SH2D4B: variants seen among roughly 807,000 people sequenced by gnomAD.
SH2D4B encodes SH2 domain containing 4B.
SH2D4B carries 45 observed loss-of-function variants against 61.5 expected under a neutral mutation model. The observed-to-expected ratio is 0.73, with a 90% CI of 0.58 to 0.94. The LOEUF (loss-of-function observed/expected upper bound fraction) is 0.94. SH2D4B is among the 40% of genes least tolerant of loss of function. The pLI, the probability that SH2D4B is intolerant of heterozygous loss-of-function variation, is 0.00. For missense variants in SH2D4B, 572 were observed against 574.2 expected (o/e 1.00, Z 0.04); for synonymous variants, 224 against 220.4 (o/e 1.02, Z -0.14).
intron 6 of SH2D4B, among the ~76,000 whole-genome samples, chr10:80,628,984 C>T (rs1182376793): frequency 8.7e-5 from 13 of 149,924 alleles, no homozygotes; most frequent in African/African-American, 1.2e-4. Context: ...GAGCCGAGAT[C>T]GTGTCACTGC....
chr10:80,557,266 A>G (rs1009475930), intron 1 of SH2D4B, among the ~76,000 whole-genome samples: 1 of 152,088 alleles, frequency 6.6e-6, no homozygotes. Context: ...TCCTTTTTAT[A>G]TATTTCTGAA....
In SH2D4B at chr10:80,603,858, C is replaced by T. The variant is rs1313814497; in HGVS notation, c.860+63C>T. On this transcript the variant is annotated intron_variant, in intron 5 of 7. Transcript: ENST00000646907. ...GGCCTTGGATTAGGGCATGGGACAC[C>T]GGGGTCCCCGTCCCGGGTCTGCCCC... The T allele has an allele frequency of 4.1e-5, 60 of 1,467,712 alleles. 1 individual carries two copies. Among genetic ancestry groups the T allele is most frequent in the South Asian group, 1.5e-4 (12 of 82,208 alleles). 90.9% of individuals were successfully genotyped at this position (1,467,712 alleles called of 1,614,324 possible). A position where few individuals can be genotyped will look rare whatever the true frequency, so the allele number is the denominator to read the frequency against.
chr10:80,628,055 G>A (rs1258644024), intron 6 of SH2D4B, among the ~76,000 whole-genome samples: 1 of 152,198 alleles, frequency 6.6e-6, no homozygotes, highest in East Asian at 1.9e-4. Context: ...GGGTGAGGTA[G>A]GGCCTTCCCC....
In SH2D4B at chr10:80,644,123, G is replaced by C. The variant is rs770518036; in HGVS notation, c.*38G>C. On this transcript the variant is annotated 3_prime_UTR_variant, in exon 8 of 8. Transcript: ENST00000646907. Reference sequence around the variant, plus strand: ...TCAATTGGATTCATTTTGGTATCCTGTTTTTGAACTCAGCTTAAGAACTTC... The same window carrying C: ...TCAATTGGATTCATTTTGGTATCCTCTTTTTGAACTCAGCTTAAGAACTTC... 13 of 1,530,008 alleles carry C rather than the reference G, an allele frequency of 8.5e-6. No individual in the cohort carries two copies. The Admixed American group carries it at 2.2e-4, about 26-fold the overall frequency. 94.8% of individuals were successfully genotyped at this position (1,530,008 alleles called of 1,614,324 possible). A position where few individuals can be genotyped will look rare whatever the true frequency, so the allele number is the denominator to read the frequency against.
chr10:80,563,271 C>A (rs970223434), intron 1 of SH2D4B, among the ~76,000 whole-genome samples: 8 of 152,266 alleles, frequency 5.3e-5, no homozygotes, highest in African/African-American at 1.9e-4. Context: ...CTATTCTAGT[C>A]TTTTGCCAAT....
In SH2D4B at chr10:80,616,283, G is replaced by A. The variant is rs572742761; in HGVS notation, c.988+6732G>A. Among the ~76,000 whole-genome samples the A allele has an allele frequency of 8.3e-4, 127 of 152,306 alleles. 2 individuals are homozygous for A. In the South Asian group the frequency reaches 0.026, roughly 31 times the overall value. The stretch of plus-strand genomic sequence containing the variant: ...CTTCTCTTGGGCAGAATTTGGAATG[G>A]AAATTTTCTACCAACTCTGACCTCA... On this transcript the variant is annotated intron_variant, in intron 6 of 7. Coordinates refer to ENST00000646907, the MANE Select transcript of SH2D4B (RefSeq NM_001388272.1).
intron 1 of SH2D4B, among the ~76,000 whole-genome samples, chr10:80,546,268 G>A (rs114671023): frequency 0.012 from 1,781 of 151,784 alleles, 30 homozygotes; most frequent in African/African-American, 0.039. Context: ...GACTGCTCTC[G>A]AACTTCTGGG....
intron 1 of SH2D4B, among the ~76,000 whole-genome samples, chr10:80,558,389 T>C (rs967269961): frequency 6.6e-6 from 1 of 152,238 alleles, no homozygotes; most frequent in Non-Finnish European, 1.5e-5. Context: ...GCTTAATTTT[T>C]CCTACTTATC....
chr10:80,553,200 G>A (rs1841784852), intron 1 of SH2D4B, among the ~76,000 whole-genome samples: 1 of 152,186 alleles, frequency 6.6e-6, no homozygotes, highest in Non-Finnish European at 1.5e-5. Context: ...TTACAGGTGT[G>A]AGCCACCATG....
rs143166228 is a variant in SH2D4B, at chr10:80,614,409, C to T, written c.988+4858C>T. Among the ~76,000 whole-genome samples the T allele has an allele frequency of 3.9e-5, 6 of 152,326 alleles. No homozygotes were observed. In the East Asian group the frequency reaches 1.2e-3, roughly 29 times the overall value. On this transcript the variant is annotated intron_variant, in intron 6 of 7. Coordinates refer to ENST00000646907, the MANE Select transcript of SH2D4B (RefSeq NM_001388272.1). Reference sequence around the variant, plus strand: ...CTCACTCACTGTGGTGAGGACAGCACCAAGCCATGAGGAATCTGCCCCCAT... The same window carrying T: ...CTCACTCACTGTGGTGAGGACAGCATCAAGCCATGAGGAATCTGCCCCCAT...
chr10:80,566,119 G>C (rs887833967), intron 1 of SH2D4B, among the ~76,000 whole-genome samples: 1 of 81,956 alleles, frequency 1.2e-5, no homozygotes, highest in South Asian at 4.1e-4. Flanking sequence ...AAAAAAAAAA[G>C]AGTGAAGAGG....
chr10:80,606,640 G>A (rs1278037583), intron 5 of SH2D4B, among the ~76,000 whole-genome samples: 1 of 152,150 alleles, frequency 6.6e-6, no homozygotes, highest in African/African-American at 2.4e-5. Flanking sequence ...GAGTCACTGT[G>A]CCCGGCCTGT....
intron 1 of SH2D4B, among the ~76,000 whole-genome samples, chr10:80,565,186 G>T (rs558061596): frequency 6.6e-6 from 1 of 152,122 alleles, no homozygotes; most frequent in East Asian, 1.9e-4. Context: ...TATTAAGTTA[G>T]GTTATGGTTC....
chr10:80,620,101 C>T (rs1313633225), intron 6 of SH2D4B, among the ~76,000 whole-genome samples: 1 of 152,194 alleles, frequency 6.6e-6, no homozygotes, highest in Non-Finnish European at 1.5e-5. Flanking sequence ...ACACGTTCTC[C>T]AGGTCATTGT....
intron 1 of SH2D4B, among the ~76,000 whole-genome samples, chr10:80,556,464 G>C (rs1226638518): frequency 1.3e-5 from 2 of 152,136 alleles, no homozygotes; most frequent in Non-Finnish European, 1.5e-5. Flanking sequence ...GAATTAGCTT[G>C]TCAATTCTGT....
Position 80,589,882 on chromosome 10 carries a change from G to C in SH2D4B, c.643+1105G>C, listed in dbSNP as rs112413032. Among the ~76,000 whole-genome samples the C allele has an allele frequency of 9.8e-3, 1,486 of 152,302 alleles. 26 individuals carry two copies. The highest frequency in any genetic ancestry group is 0.032 in the African/African-American group (1,334 of 41,554). On this transcript the variant is annotated intron_variant, in intron 4 of 7. Coordinates refer to ENST00000646907, the MANE Select transcript of SH2D4B (RefSeq NM_001388272.1). ...GAAGTGTGGGGTGGTGAGAGTTTGG[G>C]GAGTGTCAGGTTCGCAAGAAGCTAG...
Position 80,539,582 on chromosome 10 carries a change from G to A in SH2D4B, c.184+1067G>A, listed in dbSNP as rs73307105. On this transcript the variant is annotated intron_variant, in intron 1 of 7. Transcript: ENST00000646907. This position sits in a 1 kb window ranked among gnomAD's most constrained non-coding sequence, Gnocchi z 4.9. ...CCACCTGACAGACTCCATCAGGAGT[G>A]GCCCCCCTGCCCTGGAGTGTTCAGG... Among the ~76,000 whole-genome samples the A allele has an allele frequency of 6.9e-3, 1,047 of 152,324 alleles. 13 individuals are homozygous for A. Among genetic ancestry groups the A allele is most frequent in the African/African-American group, 0.024 (999 of 41,580 alleles).
At chr10:80,579,880 G>A (rs1271989127) in intron 3 of SH2D4B, among the ~76,000 whole-genome samples, 1 of 152,114 alleles carries the variant, frequency 6.6e-6, no homozygotes. Flanking sequence ...GGCTGACGCC[G>A]ACAAAACAAC....
chr10:80,549,501 C>A, intron 1 of SH2D4B, among the ~76,000 whole-genome samples: 1 of 151,682 alleles, frequency 6.6e-6, no homozygotes, highest in East Asian at 1.9e-4. Flanking sequence ...GTCTCAGCAT[C>A]TCCCCTGGAG....
Sources: gnomAD v4.1 joint callset for allele counts (sites outside exome capture counted in the v4.1 genomes callset) on GRCh38, gnomAD v4.1.1 for gene constraint, Gnocchi (gnomAD v3.1) non-coding constraint, MANE v1.5 for transcripts, NCBI Gene and HGNC (gene_info 2026-07-23, HGNC 2026-07-21) for gene names.